PRDM5: variants seen among roughly 807,000 people sequenced by gnomAD.
PRDM5 encodes PR domain zinc finger protein 5.
Under a neutral mutation model 81.2 loss-of-function variants are expected in PRDM5, and 56 were observed. The ratio of observed to expected loss-of-function variants is 0.69; its 90% CI spans 0.56 to 0.86. The LOEUF is 0.86. Ranked by LOEUF, PRDM5 falls within the 40% of genes least tolerant of loss-of-function variation. The pLI, the probability that PRDM5 is intolerant of heterozygous loss-of-function variation, is 0.00. For synonymous variants in PRDM5, 267 were observed against 256.4 expected, an observed-to-expected ratio of 1.04 and a Z score of -0.39; for missense variants, 697 against 770.1, an observed-to-expected ratio of 0.91 and a Z score of 1.12.
At chr4:120,736,199 TTGTGTGTG>T (rs57073985) in intron 14 of PRDM5, among the ~76,000 whole-genome samples, 5,455 of 144,766 alleles carry the variant, frequency 0.038, 274 homozygotes, top group African/African-American at 0.12. Flanking sequence ...TACTATCCTT[TTGTGTGTG>T]TGTGTGTGTG....
At chr4:120,728,966 T>C (rs1384190963) in intron 14 of PRDM5, among the ~76,000 whole-genome samples, 1 of 152,158 alleles carries the variant, frequency 6.6e-6, no homozygotes, top group East Asian at 1.9e-4. Context: ...GTAGCACAAT[T>C]AAATATTCCT....
chr4:120,757,195 TTATAA>T (rs897287780), intron 13 of PRDM5, among the ~76,000 whole-genome samples: 3 of 152,186 alleles, frequency 2.0e-5, no homozygotes, highest in African/African-American at 7.2e-5. Flanking sequence ...TTACCTACTG[TTATAA>T]TATAGGAATT....
intron 15 of PRDM5, among the ~76,000 whole-genome samples, chr4:120,698,363 G>A (rs1734827624): frequency 6.6e-6 from 1 of 151,936 alleles, no homozygotes; most frequent in African/African-American, 2.4e-5. Context: ...TACTCTCCTT[G>A]TTTTCCTTCT....
Position 120,694,983 on chromosome 4 carries a change from G to T in PRDM5, c.*128C>A. ...GCATATGCATCTACAGACTCTAAAT[G>T]TAGGCAAATAAGAACTATGAGACCA... On this transcript the variant is annotated 3_prime_UTR_variant, in exon 16 of 16. Transcript: ENST00000264808. 8.9e-7 allele frequency: 1 copy of T among 1,122,822 alleles called. No homozygotes were observed. The highest frequency in any genetic ancestry group is 1.3e-6 in the Non-Finnish European group (1 of 748,132). The allele number at this position is 1,122,822 out of a possible 1,614,324, so 69.6% of individuals were successfully genotyped here.
intron 15 of PRDM5, among the ~76,000 whole-genome samples, chr4:120,704,178 G>T (rs1347481613): frequency 2.0e-5 from 3 of 152,200 alleles, no homozygotes; most frequent in Non-Finnish European, 4.4e-5. Flanking sequence ...CTTGCTGAAT[G>T]AGAGCCAGAG....
chr4:120,742,709 C>A (rs890334205), intron 14 of PRDM5, among the ~76,000 whole-genome samples: 1 of 151,944 alleles, frequency 6.6e-6, no homozygotes, highest in South Asian at 2.1e-4. Context: ...TGAAATGAAG[C>A]GAGAAGGAAA....
chr4:120,843,230 A>T (rs1200923521), intron 3 of PRDM5, among the ~76,000 whole-genome samples: 1 of 152,134 alleles, frequency 6.6e-6, no homozygotes, highest in African/African-American at 2.4e-5. Context: ...GCTACTCGGG[A>T]GGCTGAGGCA....
chr4:120,839,232 A>C (rs1421396696), intron 3 of PRDM5: 2 of 702,946 alleles, frequency 2.8e-6, no homozygotes, highest in Admixed American at 2.0e-5. Flanking sequence ...TCTGTGTTAC[A>C]GCTCTTTTAG....
At chr4:120,911,401 T>G (rs1473000143) in intron 1 of PRDM5, among the ~76,000 whole-genome samples, 1 of 152,216 alleles carries the variant, frequency 6.6e-6, no homozygotes, top group East Asian at 1.9e-4. Flanking sequence ...TGAGTCAAAC[T>G]CACTTCTCAG....
chr4:120,843,832 T>C (rs1389324303), intron 3 of PRDM5, among the ~76,000 whole-genome samples: 1 of 152,148 alleles, frequency 6.6e-6, no homozygotes, highest in Non-Finnish European at 1.5e-5. Context: ...ACCAAGCCAC[T>C]ATATCTAATA....
intron 3 of PRDM5, among the ~76,000 whole-genome samples, chr4:120,826,764 A>G (rs1756046201): frequency 6.6e-6 from 1 of 152,182 alleles, no homozygotes; most frequent in South Asian, 2.1e-4. Context: ...AGTGGAAAGT[A>G]ATCATTCTGA....
intron 14 of PRDM5, among the ~76,000 whole-genome samples, chr4:120,750,196 T>C (rs538650463): frequency 6.6e-6 from 1 of 152,260 alleles, no homozygotes; most frequent in South Asian, 2.1e-4. Context: ...CCCTGAGTGG[T>C]GTCAGAAGCA....
intron 3 of PRDM5, among the ~76,000 whole-genome samples, chr4:120,824,640 C>T (rs1755721342): frequency 1.3e-5 from 2 of 152,050 alleles, no homozygotes; most frequent in Non-Finnish European, 2.9e-5. Flanking sequence ...TTTTTAGTCT[C>T]ATTTCATTTT....
intron 3 of PRDM5, among the ~76,000 whole-genome samples, chr4:120,848,889 T>C (rs1445375472): frequency 6.6e-6 from 1 of 152,102 alleles, no homozygotes; most frequent in East Asian, 1.9e-4. Context: ...GATAACCTAT[T>C]AAAAGATAGA....
Position 120,863,784 on chromosome 4 carries a change from G to A in PRDM5, c.178-10244C>T, listed in dbSNP as rs778152645. Among the ~76,000 whole-genome samples the A allele has an allele frequency of 2.4e-4, 37 of 152,166 alleles. 1 individual carries two copies. Among genetic ancestry groups the A allele is most frequent in the Admixed American group, 1.4e-3 (21 of 15,272 alleles). On this transcript the variant is annotated intron_variant, in intron 2 of 15. Coordinates refer to ENST00000264808, the MANE Select transcript of PRDM5 (RefSeq NM_018699.4). ...TTCAGAACGTAAGTTTTGCAAAGAG[G>A]TGAATCCACTGTAGAGAAAATTATA...
intron 10 of PRDM5, among the ~76,000 whole-genome samples, chr4:120,786,952 A>AT (rs760359015): frequency 6.4e-4 from 97 of 152,300 alleles, no homozygotes; most frequent in Non-Finnish European, 8.2e-4. Context: ...AGCAAGTCCT[A>AT]TTTTAGATGC....
chr4:120,804,254 A>T (rs1368030558), intron 8 of PRDM5, among the ~76,000 whole-genome samples: 1 of 152,162 alleles, frequency 6.6e-6, no homozygotes, highest in Non-Finnish European at 1.5e-5. Context: ...TAATAATTGG[A>T]GACTTTAACA....
At chr4:120,742,584 A>G (rs1578550762) in intron 14 of PRDM5, among the ~76,000 whole-genome samples, 1 of 152,358 alleles carries the variant, frequency 6.6e-6, no homozygotes, top group Non-Finnish European at 1.5e-5. Context: ...AAGTGCTTAA[A>G]GGAGCTGATG....
chr4:120,841,248 T>G (rs4833686), intron 3 of PRDM5, among the ~76,000 whole-genome samples: 1 of 152,090 alleles, frequency 6.6e-6, no homozygotes, highest in African/African-American at 2.4e-5. Flanking sequence ...ACAAATTACA[T>G]TGAGTACAGT....
Sources: gnomAD v4.1 joint callset for allele counts (sites outside exome capture counted in the v4.1 genomes callset) on GRCh38, gnomAD v4.1.1 for gene constraint, MANE v1.5 for transcripts, NCBI Gene and HGNC (gene_info 2026-07-23, HGNC 2026-07-21) for gene names.